The following EYS variants were observed in gnomAD, a reference collection of about 807,000 sequenced individuals.
EYS encodes the protein protein eyes shut homolog.
EYS carries 250 observed loss-of-function variants against 282.1 expected under a neutral mutation model. The ratio of observed to expected loss-of-function variants is 0.89; its 90% CI spans 0.80 to 0.98. EYS has a LOEUF of 0.98. EYS is among the 50% of genes least tolerant of loss of function. The pLI, the probability that EYS is intolerant of heterozygous loss-of-function variation, is 0.00. For missense variants in EYS, 4,016 were observed against 3,709.0 expected (o/e 1.08, Z -2.15); for synonymous variants, 1,355 against 1,282.9 (o/e 1.06, Z -1.20).
intron 33 of EYS, among the ~76,000 whole-genome samples, chr6:64,044,404 CTTTCTGGTTAAAA>C (rs1185063848): frequency 6.6e-6 from 1 of 152,088 alleles, no homozygotes; most frequent in East Asian, 1.9e-4. Flanking sequence ...AAAGCAAAGG[CTTTCTGGTTAAAA>C]TGTGATGAAG....
At chr6:65,086,864 G>A (rs144505903) in intron 12 of EYS, among the ~76,000 whole-genome samples, 172 of 150,692 alleles carry the variant, frequency 1.1e-3, no homozygotes, top group African/African-American at 3.9e-3. Context: ...TTGCTCTGTC[G>A]CCAGGCTGGA....
At chr6:65,375,125 A>T (rs1765311125) in intron 8 of EYS, among the ~76,000 whole-genome samples, 1 of 152,136 alleles carries the variant, frequency 6.6e-6, no homozygotes, top group Non-Finnish European at 1.5e-5. Flanking sequence ...GACACCTCGT[A>T]TGGGAGAGCT....
At chr6:64,802,660 AT>A (rs1391597951) in intron 22 of EYS, among the ~76,000 whole-genome samples, 2 of 152,222 alleles carry the variant, frequency 1.3e-5, no homozygotes, top group Admixed American at 6.5e-5. Flanking sequence ...CAGATAAGTT[AT>A]TTTTAACATC....
At chr6:65,093,330 T>C (rs771661974) in intron 12 of EYS, among the ~76,000 whole-genome samples, 32 of 151,960 alleles carry the variant, frequency 2.1e-4, no homozygotes, top group Non-Finnish European at 4.3e-4. Flanking sequence ...AAAATGAAAG[T>C]ATAAAACTTA....
At chr6:64,871,528 G>A (rs1393351040) in intron 19 of EYS, among the ~76,000 whole-genome samples, 2 of 151,840 alleles carry the variant, frequency 1.3e-5, no homozygotes, top group Admixed American at 6.6e-5. Flanking sequence ...ATACTTTTGG[G>A]ATAAAAATAA....
chr6:65,227,649 T>A lies in EYS; in HGVS notation c.2023+68214A>T, dbSNP rs76213466. Among the ~76,000 whole-genome samples the A allele has an allele frequency of 4.8e-3, 727 of 152,204 alleles. 8 individuals carry two copies. The highest frequency in any genetic ancestry group is 0.017 in the African/African-American group (691 of 41,536). On this transcript the variant is annotated intron_variant, in intron 12 of 42. Transcript: ENST00000503581. ...ATGTTTATAGGAGCATTATTAATAATAGACAAAAGCTTAAATATCTGAAAT... is the reference window on the plus strand; with the variant it reads ...ATGTTTATAGGAGCATTATTAATAAAAGACAAAAGCTTAAATATCTGAAAT...
At chr6:64,745,471 A>G (rs911213436) in intron 22 of EYS, among the ~76,000 whole-genome samples, 3 of 152,166 alleles carry the variant, frequency 2.0e-5, no homozygotes, top group African/African-American at 7.2e-5. Context: ...GGCATTTAGT[A>G]TATCATAATA....
At chr6:64,379,112 T>C (rs1210109190) in intron 29 of EYS, among the ~76,000 whole-genome samples, 3 of 152,174 alleles carry the variant, frequency 2.0e-5, no homozygotes, top group Non-Finnish European at 4.4e-5. Context: ...TTTTTTTCAG[T>C]TCTCACCCTC....
chr6:65,514,152 C>A (rs545094371), intron 2 of EYS, among the ~76,000 whole-genome samples: 1 of 151,682 alleles, frequency 6.6e-6, no homozygotes, highest in Non-Finnish European at 1.5e-5. Flanking sequence ...CAATAACAGA[C>A]AAACAGAGCC....
At chr6:63,992,216 G>C (rs1208183621) in intron 34 of EYS, among the ~76,000 whole-genome samples, 1 of 151,704 alleles carries the variant, frequency 6.6e-6, no homozygotes, top group East Asian at 1.9e-4. Context: ...CTGTAATCAT[G>C]GTGTGTAAAT....
intron 40 of EYS, among the ~76,000 whole-genome samples, chr6:63,772,532 A>T (rs1769958774): frequency 6.6e-6 from 1 of 152,124 alleles, no homozygotes; most frequent in African/African-American, 2.4e-5. Context: ...ACTAACATCA[A>T]GACTACAGGA....
At position 65,295,903 on chromosome 6, in the gene EYS, T is replaced by C. The variant is rs1457206140; in HGVS notation, c.1983A>G (p.Leu661=). Residue 661 remains leucine (L), a synonymous_variant, in exon 12 of 43, where the codon TTA becomes TTG. Coordinates refer to ENST00000503581, the MANE Select transcript of EYS (RefSeq NM_001142800.2). The part of the protein sequence containing the change: ...SCKNGTTSTH[L]RGYFFRKCVP... ...CACACTTGCGGAAGAAATATCCCCT[T>C]AAATGTGTACTAGTTGTTCCATTTT... 1 of 1,550,832 alleles carries C rather than the reference T, an allele frequency of 6.4e-7. No homozygotes were observed. Among genetic ancestry groups the C allele is most frequent in the Non-Finnish European group, 8.7e-7 (1 of 1,146,362 alleles).
At chr6:63,865,911 A>G (rs1772660284) in intron 35 of EYS, among the ~76,000 whole-genome samples, 1 of 152,166 alleles carries the variant, frequency 6.6e-6, no homozygotes, top group South Asian at 2.1e-4. Context: ...GTGGGGTTGT[A>G]AGGCTTTGAG....
At chr6:64,261,011 A>G (rs200405703) in intron 30 of EYS, among the ~76,000 whole-genome samples, 1 of 15,212 alleles carries the variant, frequency 6.6e-5, no homozygotes, top group Non-Finnish European at 1.8e-4. Flanking sequence ...AGCACTTATC[A>G]TTTTTTTGTG....
chr6:64,696,796 A>C (rs1770598084), intron 22 of EYS, among the ~76,000 whole-genome samples: 1 of 152,238 alleles, frequency 6.6e-6, no homozygotes, highest in Non-Finnish European at 1.5e-5. Flanking sequence ...GCAAATGCTA[A>C]GGAAATTTGT....
intron 31 of EYS, 95 bp downstream of exon 31, chr6:64,230,497 T>C (rs1766393003): frequency 4.0e-6 from 3 of 750,098 alleles, no homozygotes; most frequent in Admixed American, 5.0e-5. Flanking sequence ...TTTGTGCTAG[T>C]ACCCATCACT....
At chr6:64,948,608 T>A (rs1769378083) in intron 14 of EYS, among the ~76,000 whole-genome samples, 1 of 147,080 alleles carries the variant, frequency 6.8e-6, no homozygotes, top group African/African-American at 2.5e-5. Context: ...TATTAAATAA[T>A]ATTAAATAAT....
At chr6:64,620,767 T>G (rs959612796) in intron 23 of EYS, among the ~76,000 whole-genome samples, 12 of 152,198 alleles carry the variant, frequency 7.9e-5, no homozygotes, top group Non-Finnish European at 1.3e-4. Context: ...GGTTTTATGT[T>G]CATTCTTAAT....
At chr6:64,003,960 C>T (rs1029410051) in intron 33 of EYS, among the ~76,000 whole-genome samples, 1 of 152,136 alleles carries the variant, frequency 6.6e-6, no homozygotes, top group Admixed American at 6.5e-5. Context: ...CCAGCCATGC[C>T]GAACTGTGAG....
Sources: allele counts gnomAD v4.1 joint callset (sites outside exome capture counted in the v4.1 genomes callset), GRCh38; gene constraint gnomAD v4.1.1; transcripts MANE v1.5; gene names NCBI Gene and HGNC (gene_info 2026-07-23, HGNC 2026-07-21).